Variants in TMEM132C observed in about 807,000 individuals in gnomAD.
TMEM132C encodes the protein protein phosphatase 1, regulatory subunit 152.
Under a neutral mutation model 61.4 loss-of-function variants are expected in TMEM132C, and 29 were observed. That is an observed-to-expected ratio of 0.47 (90% CI 0.35 to 0.64). TMEM132C has a LOEUF of 0.64. Ranked by LOEUF, TMEM132C falls within the 30% of genes least tolerant of loss-of-function variation. The probability of loss-of-function intolerance (pLI) is 0.00; values close to 1 mark genes in which losing one functional copy is unlikely to be tolerated. For synonymous variants in TMEM132C, 656 were observed against 633.1 expected (o/e 1.04, Z -0.54); for missense variants, 1,408 against 1,476.9 (o/e 0.95, Z 0.76).
intron 1 of TMEM132C, among the ~76,000 whole-genome samples, chr12:128,322,701 G>A (rs1358442547): frequency 6.6e-6 from 1 of 152,212 alleles, no homozygotes; most frequent in Non-Finnish European, 1.5e-5. Context: ...AAAGACCCTT[G>A]TGAAGCATCT....
chr12:128,554,568 T>G (rs6486698), intron 3 of TMEM132C, among the ~76,000 whole-genome samples: 1,814 of 152,370 alleles, frequency 0.012, 38 homozygotes, highest in African/African-American at 0.041. Flanking sequence ...GTGGCCTGTT[T>G]GAGTCAAAAT....
At chr12:128,351,866 C>T (rs958950636) in intron 1 of TMEM132C, among the ~76,000 whole-genome samples, 2 of 152,124 alleles carry the variant, frequency 1.3e-5, no homozygotes, top group African/African-American at 4.8e-5. Context: ...ATGTTGAAAG[C>T]AGAGCGATGT....
intron 2 of TMEM132C, among the ~76,000 whole-genome samples, chr12:128,481,119 T>C (rs1871304293): frequency 1.3e-5 from 2 of 152,164 alleles, no homozygotes; most frequent in Non-Finnish European, 2.9e-5. Flanking sequence ...CTGCTTTTAT[T>C]GTGATGAAAC....
chr12:128,489,377 G>GA (rs11449941), intron 2 of TMEM132C, among the ~76,000 whole-genome samples: 53,055 of 143,502 alleles, frequency 0.37, 9,962 homozygotes, highest in East Asian at 0.57. Flanking sequence ...ATAAAAGCTG[G>GA]AAAAAAAAAA....
At chr12:128,704,438 A>G (rs1954822702) in intron 8 of TMEM132C, among the ~76,000 whole-genome samples, 1 of 152,174 alleles carries the variant, frequency 6.6e-6, no homozygotes, top group African/African-American at 2.4e-5. Flanking sequence ...AATGCCATGT[A>G]CTGTGTCCCA....
chr12:128,432,695 G>A (rs1386570220), intron 2 of TMEM132C, among the ~76,000 whole-genome samples: 1 of 152,196 alleles, frequency 6.6e-6, no homozygotes, highest in Admixed American at 6.5e-5. Context: ...TACTCCTGGT[G>A]AAGATACTGG....
At chr12:128,453,617 T>C (rs114791390) in intron 2 of TMEM132C, among the ~76,000 whole-genome samples, 2,680 of 151,958 alleles carry the variant, frequency 0.018, 83 homozygotes, top group African/African-American at 0.058. Flanking sequence ...ACAAGAAGGG[T>C]GGGAAAGAGG....
At chr12:128,696,908 C>G (rs1467509970) in intron 7 of TMEM132C, among the ~76,000 whole-genome samples, 1 of 152,184 alleles carries the variant, frequency 6.6e-6, no homozygotes, top group Non-Finnish European at 1.5e-5. Flanking sequence ...TCACCATGTA[C>G]AGTTAACCAG....
intron 4 of TMEM132C, among the ~76,000 whole-genome samples, chr12:128,627,619 C>T (rs1954028143): frequency 1.3e-5 from 2 of 152,264 alleles, no homozygotes; most frequent in East Asian, 1.9e-4. Context: ...GCCCAAGCAC[C>T]GGCACCCCAG....
At chr12:128,698,491 G>C (rs1049087924) in intron 8 of TMEM132C, among the ~76,000 whole-genome samples, 4 of 152,202 alleles carry the variant, frequency 2.6e-5, no homozygotes, top group Non-Finnish European at 5.9e-5. Context: ...CCTCAGGCAA[G>C]ACGCCTCACC....
intron 3 of TMEM132C, among the ~76,000 whole-genome samples, chr12:128,587,415 A>C (rs1327355357): frequency 6.6e-6 from 1 of 152,174 alleles, no homozygotes; most frequent in African/African-American, 2.4e-5. Context: ...TAATGTCACT[A>C]AGCCAAGTCA....
rs1283289730 is a variant in TMEM132C at position 128,630,579 on chromosome 12, C to T, written c.1305+14244C>T. ...AGTCTCATCTCTGCCAGACACGATG[C>T]TATCTGTGCAGTCAGCCTCTCCATC... On this transcript the variant is annotated intron_variant, in intron 4 of 8. Transcript: ENST00000435159. The surrounding 1 kb of genome is among the most constrained non-coding windows in gnomAD (Gnocchi z 4.3). 6.6e-6 allele frequency among the ~76,000 whole-genome samples: 1 copy of T among 152,166 alleles called. No homozygotes were observed. Among genetic ancestry groups the T allele is most frequent in the Non-Finnish European group, 1.5e-5 (1 of 68,042 alleles).
intron 3 of TMEM132C, among the ~76,000 whole-genome samples, chr12:128,555,729 C>T (rs866952743): frequency 0.057 from 5,992 of 104,576 alleles, 333 homozygotes; most frequent in African/African-American, 0.17. Context: ...TTTTTTTTTT[C>T]TTTGATACAA....
intron 1 of TMEM132C, among the ~76,000 whole-genome samples, chr12:128,397,180 C>T (rs1874990073): frequency 6.6e-6 from 1 of 152,168 alleles, no homozygotes; most frequent in African/African-American, 2.4e-5. Flanking sequence ...TGCCACTCCC[C>T]CACGGGTAGA....
Position 128,544,045 on chromosome 12 carries a change from G to A in TMEM132C, c.1063G>A (p.Gly355Arg), listed in dbSNP as rs781327334. ...WGVKQEVGSG[G>R]KHVTATVACQ... ...CGTCAAGCAGGAGGTGGGCAGCGGC[G>A]GAAAGCACGTGACGGCCACCGTGGC... Residue 355 changes from glycine (G) to arginine (R), a missense_variant, in exon 3 of 9, where the codon GGA becomes AGA. By Grantham distance (125) the Gly-to-Arg change is moderately radical. Coordinates refer to ENST00000435159, the MANE Select transcript of TMEM132C (RefSeq NM_001136103.3). 5.8e-5 allele frequency: 90 copies of A among 1,547,750 alleles called. No individual in the cohort carries two copies. The highest frequency in any genetic ancestry group is 3.2e-4 in the South Asian group (27 of 83,200).
intron 1 of TMEM132C, among the ~76,000 whole-genome samples, chr12:128,387,845 G>T (rs1874635273): frequency 6.6e-6 from 1 of 152,194 alleles, no homozygotes; most frequent in African/African-American, 2.4e-5. Context: ...ATTTTTGTGT[G>T]TGGAGACGTG....
At chr12:128,407,161 T>G (rs55676019) in intron 1 of TMEM132C, among the ~76,000 whole-genome samples, 109 of 152,204 alleles carry the variant, frequency 7.2e-4, no homozygotes, top group Non-Finnish European at 1.3e-3. Context: ...CAGGGCAGGT[T>G]TTTGTGCTGT....
intron 2 of TMEM132C, among the ~76,000 whole-genome samples, chr12:128,471,497 G>A (rs149370203): frequency 0.012 from 1,846 of 152,264 alleles, 22 homozygotes; most frequent in Middle Eastern, 0.027. Flanking sequence ...CCTGGCCCTA[G>A]GCATAGCTCT....
intron 3 of TMEM132C, among the ~76,000 whole-genome samples, chr12:128,600,096 C>A (rs534607915): frequency 6.6e-6 from 1 of 152,306 alleles, no homozygotes; most frequent in South Asian, 2.1e-4. Flanking sequence ...CATTCTCCTG[C>A]CTCAGCCTCC....
Sources: allele counts gnomAD v4.1 joint callset (sites outside exome capture counted in the v4.1 genomes callset), GRCh38; gene constraint gnomAD v4.1.1; non-coding constraint Gnocchi (gnomAD v3.1); transcripts MANE v1.5; gene names NCBI Gene and HGNC (gene_info 2026-07-23, HGNC 2026-07-21).